Variants in BBOX1 observed in about 807,000 individuals in gnomAD.
The protein encoded by BBOX1 is gamma-butyrobetaine hydroxylase 1.
In BBOX1, 35 loss-of-function variants were observed where a neutral mutation model predicts 41.6. That is an observed-to-expected ratio of 0.84 (90% CI 0.64 to 1.11). BBOX1 has a LOEUF of 1.11. Ranked by LOEUF, BBOX1 falls within the 50% of genes most tolerant of loss-of-function variation. The pLI, the probability that BBOX1 is intolerant of heterozygous loss-of-function variation, is 0.00. For missense variants in BBOX1, 458 were observed against 460.6 expected, an observed-to-expected ratio of 0.99 and a Z score of 0.05; for synonymous variants, 163 against 154.7, an observed-to-expected ratio of 1.05 and a Z score of -0.40.
intron 4 of BBOX1, among the ~76,000 whole-genome samples, chr11:27,086,826 G>A (rs1269115187): frequency 1.3e-5 from 2 of 152,048 alleles, no homozygotes; most frequent in Non-Finnish European, 2.9e-5. Context: ...TTGATTCATG[G>A]GAGGAGGTAA....
intron 6 of BBOX1, among the ~76,000 whole-genome samples, chr11:27,116,386 T>A (rs189875678): frequency 6.6e-6 from 1 of 151,370 alleles, no homozygotes; most frequent in Non-Finnish European, 1.5e-5. Context: ...CACGGGTTGA[T>A]AGATGCAGCA....
chr11:27,097,966 T>A (rs772519415), intron 5 of BBOX1, among the ~76,000 whole-genome samples: 1 of 152,042 alleles, frequency 6.6e-6, no homozygotes. Flanking sequence ...TTCTATGACA[T>A]GCCATTCTTC....
intron 4 of BBOX1, among the ~76,000 whole-genome samples, chr11:27,066,998 C>A (rs1857307938): frequency 6.6e-6 from 1 of 152,110 alleles, no homozygotes; most frequent in African/African-American, 2.4e-5. Context: ...TTTTGAGCAA[C>A]TTACTTAACC....
At chr11:27,051,898 T>G (rs1368003779) in intron 2 of BBOX1, among the ~76,000 whole-genome samples, 1 of 152,038 alleles carries the variant, frequency 6.6e-6, no homozygotes, top group Non-Finnish European at 1.5e-5. Context: ...TTTAAGATCT[T>G]TTTTTATTTT....
At chr11:27,108,033 G>T (rs1858928400) in intron 5 of BBOX1, among the ~76,000 whole-genome samples, 1 of 152,020 alleles carries the variant, frequency 6.6e-6, no homozygotes, top group Non-Finnish European at 1.5e-5. Context: ...CTCCTTTCAT[G>T]GGATTTATCA....
intron 4 of BBOX1, among the ~76,000 whole-genome samples, chr11:27,061,527 A>G (rs1170758753): frequency 6.6e-6 from 1 of 152,186 alleles, no homozygotes; most frequent in Non-Finnish European, 1.5e-5. Context: ...TTTCATTGCC[A>G]TTGCAGATTT....
At chr11:27,116,622 G>A (rs1481536160) in intron 6 of BBOX1, among the ~76,000 whole-genome samples, 7 of 151,862 alleles carry the variant, frequency 4.6e-5, no homozygotes, top group Non-Finnish European at 8.8e-5. Context: ...AGTTGGCTTG[G>A]GACAGATTGA....
chr11:27,061,220 T>A (rs1216251788), intron 4 of BBOX1, among the ~76,000 whole-genome samples: 1 of 152,302 alleles, frequency 6.6e-6, no homozygotes, highest in East Asian at 1.9e-4. Flanking sequence ...TATTTCTTGA[T>A]GAGTGCAGTT....
chr11:27,092,043 C>T (rs939647972), intron 4 of BBOX1, among the ~76,000 whole-genome samples: 2 of 151,942 alleles, frequency 1.3e-5, no homozygotes, highest in African/African-American at 4.8e-5. Context: ...GCTCCGTGCA[C>T]CTGCATGTAT....
chr11:27,057,096 C>CATA (rs140671117), intron 3 of BBOX1, 105 bp from the exon 4 acceptor site: 87,101 of 364,328 alleles, frequency 0.24, 14,987 homozygotes, highest in East Asian at 0.42. Context: ...TTAAGCAAAG[C>CATA]ATAATTGGAT....
intron 2 of BBOX1, among the ~76,000 whole-genome samples, chr11:27,041,911 G>C (rs1564947577): frequency 6.6e-6 from 1 of 152,174 alleles, no homozygotes; most frequent in Non-Finnish European, 1.5e-5. Context: ...CCATCCCAAA[G>C]AATGGTGACT....
intron 4 of BBOX1, among the ~76,000 whole-genome samples, chr11:27,064,174 A>G (rs1048164836): frequency 6.6e-6 from 1 of 152,110 alleles, no homozygotes; most frequent in East Asian, 1.9e-4. Context: ...TGGTAATTAT[A>G]AAAAGAACTA....
At chr11:27,068,406 G>A (rs924535182) in intron 4 of BBOX1, among the ~76,000 whole-genome samples, 2 of 151,888 alleles carry the variant, frequency 1.3e-5, no homozygotes, top group South Asian at 2.1e-4. Context: ...ATCTGCCCAC[G>A]TTTTGATGGG....
intron 4 of BBOX1, among the ~76,000 whole-genome samples, chr11:27,064,824 A>G (rs1177664893): frequency 6.6e-6 from 1 of 151,716 alleles, no homozygotes; most frequent in African/African-American, 2.4e-5. Context: ...GGGCTAAATC[A>G]TTTCTGAGTG....
intron 4 of BBOX1, among the ~76,000 whole-genome samples, chr11:27,079,189 A>C (rs915342490): frequency 1.3e-5 from 2 of 152,180 alleles, no homozygotes; most frequent in African/African-American, 4.8e-5. Context: ...CCATGAAAAA[A>C]ACTTTAGTCT....
At chr11:27,121,257 G>A (rs1859454529) in intron 7 of BBOX1, among the ~76,000 whole-genome samples, 1 of 152,136 alleles carries the variant, frequency 6.6e-6, no homozygotes, top group South Asian at 2.1e-4. Flanking sequence ...AGTGTGACTG[G>A]AACAGAGTGA....
intron 4 of BBOX1, among the ~76,000 whole-genome samples, chr11:27,069,162 C>T (rs1037155993): frequency 6.6e-6 from 1 of 151,674 alleles, no homozygotes; most frequent in Non-Finnish European, 1.5e-5. Context: ...CTGTAGATTG[C>T]TTTGGGCAAT....
At chr11:27,106,241 A>T (rs1437138802) in intron 5 of BBOX1, among the ~76,000 whole-genome samples, 3 of 151,960 alleles carry the variant, frequency 2.0e-5, no homozygotes, top group Non-Finnish European at 4.4e-5. Flanking sequence ...ACACATAACA[A>T]TACTAACCTT....
At chr11:27,075,121 C>A (rs1857590742) in intron 4 of BBOX1, among the ~76,000 whole-genome samples, 1 of 152,096 alleles carries the variant, frequency 6.6e-6, no homozygotes, top group Admixed American at 6.5e-5. Flanking sequence ...TTGTTGACTT[C>A]TTTTTATTTG....
Sources: gnomAD v4.1 joint callset for allele counts (sites outside exome capture counted in the v4.1 genomes callset) on GRCh38, gnomAD v4.1.1 for gene constraint, MANE v1.5 for transcripts, NCBI Gene and HGNC (gene_info 2026-07-23, HGNC 2026-07-21) for gene names.